Variants in HSPA12A observed in about 807,000 individuals in gnomAD.
The protein encoded by HSPA12A is heat shock 70 kDa protein 12A.
In HSPA12A, 28 loss-of-function variants were observed where a neutral mutation model predicts 69.2. The ratio of observed to expected loss-of-function variants is 0.40; its 90% CI spans 0.30 to 0.55. The LOEUF is 0.55. Among genes scored for constraint, HSPA12A ranks in the 20% least tolerant of loss-of-function variants. HSPA12A has a pLI of 0.38. For missense variants in HSPA12A, 686 were observed against 900.7 expected, an observed-to-expected ratio of 0.76 and a Z score of 3.05; for synonymous variants, 345 against 370.5, an observed-to-expected ratio of 0.93 and a Z score of 0.79.
chr10:116,685,218 A>G (rs1173430678), intron 6 of HSPA12A, among the ~76,000 whole-genome samples: 1 of 152,208 alleles, frequency 6.6e-6, no homozygotes, highest in Non-Finnish European at 1.5e-5. Context: ...CAGGTTCAGA[A>G]GGTCTCCTAA....
At chr10:116,681,953 G>T in intron 7 of HSPA12A, 76 bp from the exon 8 acceptor site, 2 of 1,321,890 alleles carry the variant, frequency 1.5e-6, no homozygotes, top group Non-Finnish European at 2.2e-6. Context: ...GTCAGTGAAG[G>T]CAATAGCATG....
At chr10:116,697,223 G>A (rs1849932907) in intron 5 of HSPA12A, among the ~76,000 whole-genome samples, 1 of 152,146 alleles carries the variant, frequency 6.6e-6, no homozygotes, top group Admixed American at 6.5e-5. Flanking sequence ...AAATGCTTCT[G>A]AAGTTCCCAA....
At chr10:116,755,306 T>C (rs1181276836) in intron 2 of HSPA12A, among the ~76,000 whole-genome samples, 1 of 152,026 alleles carries the variant, frequency 6.6e-6, no homozygotes, top group Non-Finnish European at 1.5e-5. Flanking sequence ...TGAATAAAAT[T>C]ACAAACATAA....
intron 2 of HSPA12A, among the ~76,000 whole-genome samples, chr10:116,797,129 G>A (rs1326891307): frequency 6.6e-6 from 1 of 152,166 alleles, no homozygotes; most frequent in Non-Finnish European, 1.5e-5. Flanking sequence ...GGAGCTACAG[G>A]TTTCTCTTTG....
In HSPA12A at chr10:116,675,802, C is replaced by T. The variant is rs1348108462; in HGVS notation, c.1391-384G>A. On this transcript the variant is annotated intron_variant, in intron 11 of 11. Coordinates refer to ENST00000369209, the MANE Select transcript of HSPA12A (RefSeq NM_025015.3). The surrounding 1 kb of genome is among the most constrained non-coding windows in gnomAD (Gnocchi z 5.2). ...TGATTTTCATAAAAATCCCATTCCACTCCTAGAGAGTCTGATTTGGTAGGC... is the reference window on the plus strand; with the variant it reads ...TGATTTTCATAAAAATCCCATTCCATTCCTAGAGAGTCTGATTTGGTAGGC... Among the ~76,000 whole-genome samples the T allele has an allele frequency of 6.6e-6, 1 of 152,186 alleles. No homozygotes were observed. The highest frequency in any genetic ancestry group is 2.4e-5 in the African/African-American group (1 of 41,452).
rs112780815 is a variant in HSPA12A, at chr10:116,764,253, C to T, written c.92-56968G>A. Among the ~76,000 whole-genome samples the T allele has an allele frequency of 4.5e-3, 690 of 152,262 alleles. 1 individual carries two copies. Among genetic ancestry groups the T allele is most frequent in the Non-Finnish European group, 7.3e-3 (494 of 68,028 alleles). On this transcript the variant is annotated intron_variant, in intron 2 of 12. Transcript: ENST00000635765. ...AGCAACCCCATATCTAGGAATCTACCTACAAATACAAACCAACAATGTGAA... is the reference window on the plus strand; with the variant it reads ...AGCAACCCCATATCTAGGAATCTACTTACAAATACAAACCAACAATGTGAA...
chr10:116,739,380 G>C (rs1558202), intron 1 of HSPA12A, among the ~76,000 whole-genome samples: 93,883 of 152,026 alleles, frequency 0.62, 30,153 homozygotes, highest in East Asian at 0.81. Context: ...CAATAAAAGT[G>C]AACGTTTAAA....
At chr10:116,702,122 CAGAGAGAG>C (rs60517749) in intron 3 of HSPA12A, among the ~76,000 whole-genome samples, 39,732 of 149,230 alleles carry the variant, frequency 0.27, 5,488 homozygotes, top group Middle Eastern at 0.41. Context: ...AAAGAAATGA[CAGAGAGAG>C]AGAGAGAGAG....
Position 116,738,535 on chromosome 10 carries a change from G to A in HSPA12A, c.40+3895C>T, listed in dbSNP as rs912401284. Among the ~76,000 whole-genome samples, 5 of 152,252 alleles carry A rather than the reference G, an allele frequency of 3.3e-5. No individual in the cohort carries two copies. The East Asian group carries it at 9.6e-4, about 29-fold the overall frequency. On this transcript the variant is annotated intron_variant, in intron 1 of 11. Transcript: ENST00000369209. Reference sequence around the variant, plus strand: ...AGCAAGTTTTTCAAAGCCCTCAATTGCCTTATCAGCAAAATGGGGTAATAA... The same window carrying A: ...AGCAAGTTTTTCAAAGCCCTCAATTACCTTATCAGCAAAATGGGGTAATAA...
At chr10:116,699,763 T>C (rs1056343414) in intron 4 of HSPA12A, among the ~76,000 whole-genome samples, 4 of 152,214 alleles carry the variant, frequency 2.6e-5, no homozygotes, top group African/African-American at 9.6e-5. Context: ...AAAAAATCCC[T>C]GTGCTTCCTT....
At chr10:116,692,734 A>G (rs560428978) in intron 5 of HSPA12A, among the ~76,000 whole-genome samples, 37 of 152,298 alleles carry the variant, frequency 2.4e-4, no homozygotes, top group African/African-American at 7.7e-4. Context: ...CTTCCTAATC[A>G]TGTGACTTTG....
Position 116,810,318 on chromosome 10 carries a change from C to T in HSPA12A, c.91+24617G>A, listed in dbSNP as rs112768594. On this transcript the variant is annotated intron_variant, in intron 2 of 12. Coordinates refer to the HSPA12A transcript ENST00000635765. ...TTGTTCCCAGAGACCAGCTCAGCCC[C>T]ACGCCCTGGTCCTGGTCCACAGGCA... Among the ~76,000 whole-genome samples the T allele has an allele frequency of 9.8e-3, 1,497 of 152,244 alleles. 20 individuals are homozygous for T. Among genetic ancestry groups the T allele is most frequent in the African/African-American group, 0.031 (1,280 of 41,536 alleles).
intron 2 of HSPA12A, chr10:116,750,609 G>A: frequency 3.3e-6 from 1 of 301,920 alleles, no homozygotes. Flanking sequence ...AGGCATGGAG[G>A]AGGTGTAGAA....
At chr10:116,792,613 C>CAAAAAAAAAAAAAAAAAAAAAAAAAAAA (rs56344323) in intron 2 of HSPA12A, among the ~76,000 whole-genome samples, 1 of 107,984 alleles carries the variant, frequency 9.3e-6, no homozygotes, top group African/African-American at 3.8e-5. Context: ...CTTGCATCTA[C>CAAAAAAAAAAAAAAAAAAAAAAAAAAAA]AAAAAAAAAA....
intron 5 of HSPA12A, 151 bp from the exon 6 acceptor site, chr10:116,692,618 G>T (rs1849769211): frequency 1.5e-6 from 1 of 660,930 alleles, no homozygotes; most frequent in Admixed American, 2.4e-5. Context: ...AGAGAGCAAA[G>T]ATCTGTTTCC....
chr10:116,674,958 C>T lies in HSPA12A; in HGVS notation c.1851G>A (p.Gly617=). The T allele has an allele frequency of 9.3e-6, 15 of 1,614,118 alleles. No homozygotes were observed. Among genetic ancestry groups the T allele is most frequent in the Non-Finnish European group, 1.3e-5 (15 of 1,180,036 alleles). The change falls in exon 12 of 12, where the codon GGG becomes GGA. Residue 617 remains glycine, a synonymous_variant. Transcript: ENST00000369209. The stretch of plus-strand genomic sequence containing the variant: ...GGCGGAGCGTGCCACACTTCTTCAC[C>T]CCGGGATCAGTGATGAAGCTGACGT... ...HDNVSFITDP[G]VKKCGTLRLD...
intron 1 of HSPA12A, among the ~76,000 whole-genome samples, chr10:116,836,448 C>G (rs1238316569): frequency 1.3e-5 from 2 of 152,170 alleles, no homozygotes; most frequent in African/African-American, 4.8e-5. Flanking sequence ...CTCTCTTTCT[C>G]TCTTTAATGA....
intron 2 of HSPA12A, among the ~76,000 whole-genome samples, chr10:116,774,111 G>A (rs899802389): frequency 4.0e-5 from 6 of 151,484 alleles, no homozygotes; most frequent in Non-Finnish European, 7.4e-5. Flanking sequence ...CCGGGTTCAC[G>A]CCATTCTCCT....
intron 2 of HSPA12A, among the ~76,000 whole-genome samples, chr10:116,797,142 G>A (rs1844845798): frequency 1.3e-5 from 2 of 152,158 alleles, no homozygotes; most frequent in South Asian, 4.1e-4. Context: ...TCTCTTTGGA[G>A]CCCCAGAACT....
Sources: allele counts gnomAD v4.1 joint callset (sites outside exome capture counted in the v4.1 genomes callset), GRCh38; gene constraint gnomAD v4.1.1; non-coding constraint Gnocchi (gnomAD v3.1); transcripts MANE v1.5; gene names NCBI Gene and HGNC (gene_info 2026-07-23, HGNC 2026-07-21).